KLHL22: variants seen among roughly 807,000 people sequenced by gnomAD.
The protein encoded by KLHL22 is kelch like family member 22, also known as kelch-like protein 22.
A neutral mutation model predicts 60.7 loss-of-function variants in KLHL22; 18 were observed. The ratio of observed to expected loss-of-function variants is 0.30; its 90% CI spans 0.20 to 0.44. The LOEUF (loss-of-function observed/expected upper bound fraction) is 0.44. KLHL22 is among the 20% of genes least tolerant of loss of function. KLHL22 has a pLI of 1.00. For synonymous variants in KLHL22, 355 were observed against 354.5 expected, an observed-to-expected ratio of 1.00 and a Z score of -0.01; for missense variants, 596 against 852.3, an observed-to-expected ratio of 0.70 and a Z score of 3.74.
At chr22:20,488,061 C>T (rs1301181617) in intron 2 of KLHL22, among the ~76,000 whole-genome samples, 7 of 152,192 alleles carry the variant, frequency 4.6e-5, no homozygotes, top group Non-Finnish European at 5.9e-5. Flanking sequence ...GGGTCACATT[C>T]TCCAAAACTC....
In KLHL22 at chr22:20,446,581, A is replaced by G; in HGVS notation, c.1401T>C (p.Asp467=). The part of the protein sequence containing the change: ...EDYLKETHCY[D]PGSNTWHTLA... ...GTGTGTGCCAAGTGTTGCTGCCTGGATCGTAGCAGTGTGTCTCTTTCAGGT... is the reference window on the plus strand; with the variant it reads ...GTGTGTGCCAAGTGTTGCTGCCTGGGTCGTAGCAGTGTGTCTCTTTCAGGT... Residue 467 remains aspartate, a synonymous_variant, in exon 6 of 7, where the codon GAT becomes GAC. Coordinates refer to ENST00000328879, the MANE Select transcript of KLHL22 (RefSeq NM_032775.4). 6.2e-7 allele frequency: 1 copy of G among 1,613,942 alleles called. No individual in the cohort carries two copies. The highest frequency in any genetic ancestry group is 8.5e-7 in the Non-Finnish European group (1 of 1,180,032).
At chr22:20,445,027 C>T (rs569803348) in intron 6 of KLHL22, among the ~76,000 whole-genome samples, 32 of 152,100 alleles carry the variant, frequency 2.1e-4, no homozygotes, top group African/African-American at 5.1e-4. Flanking sequence ...TCAAGCCATC[C>T]ACCTGCCTTG....
intron 1 of KLHL22, chr22:20,489,867 G>A (rs1183834610): frequency 1.1e-5 from 5 of 463,842 alleles, no homozygotes; most frequent in Non-Finnish European, 1.3e-5. Context: ...AATTCTGAGA[G>A]TCAAGCACAG....
At chr22:20,474,845 G>A (rs907033429) in intron 2 of KLHL22, among the ~76,000 whole-genome samples, 4 of 152,224 alleles carry the variant, frequency 2.6e-5, no homozygotes, top group African/African-American at 7.2e-5. Context: ...CTGGGTCGAA[G>A]GGTTTACATA....
At chr22:20,457,785 C>T (rs1221551554) in intron 5 of KLHL22, 23 bp downstream of exon 5, 4 of 1,551,482 alleles carry the variant, frequency 2.6e-6, no homozygotes, top group Non-Finnish European at 2.6e-6. Context: ...CAGGAGAAGG[C>T]CCCTCTTCGA....
intron 3 of KLHL22, among the ~76,000 whole-genome samples, chr22:20,468,440 G>A (rs114374355): frequency 0.014 from 2,203 of 152,322 alleles, 43 homozygotes; most frequent in Middle Eastern, 0.054. Flanking sequence ...AGAAGGGACT[G>A]CATTTGCTTG....
At chr22:20,483,968 G>C (rs1236798444) in intron 2 of KLHL22, 9 of 690,784 alleles carry the variant, frequency 1.3e-5, no homozygotes, top group Admixed American at 3.8e-5. Flanking sequence ...GGGACACGAA[G>C]ATCCAGGAAC....
At chr22:20,461,314 G>T (rs2053150836) in intron 4 of KLHL22, among the ~76,000 whole-genome samples, 1 of 152,134 alleles carries the variant, frequency 6.6e-6, no homozygotes, top group Non-Finnish European at 1.5e-5. Context: ...AGCACTTTGG[G>T]AGGCTAAGGC....
In KLHL22 at chr22:20,465,289, C is replaced by T. The variant is rs1188352000; in HGVS notation, c.681G>A (p.Val227=). 1 of 1,614,104 alleles carries T rather than the reference C, an allele frequency of 6.2e-7. No homozygotes were observed. Among genetic ancestry groups the T allele is most frequent in the Non-Finnish European group, 8.5e-7 (1 of 1,180,028 alleles). The change falls in exon 4 of 7, where the codon GTG becomes GTA. Residue 227 remains valine (V), a synonymous_variant. Transcript: ENST00000328879. The surrounding 1 kb of genome is among the most constrained non-coding windows in gnomAD (Gnocchi z 4.9). The part of the protein sequence containing the change: ...ALLYHYSLEQ[V]QADQISLHEP... ...CGTGCAGCGAGATCTGGTCAGCCTG[C>T]ACCTGCTCCAGGCTATAATGGTAGA...
chr22:20,467,938 G>T (rs774840520), intron 3 of KLHL22, among the ~76,000 whole-genome samples: 28 of 152,334 alleles, frequency 1.8e-4, no homozygotes, highest in Middle Eastern at 3.4e-3. Flanking sequence ...GATTACAGGC[G>T]TGAGCCACGG....
chr22:20,460,452 TA>T (rs1434783326), intron 4 of KLHL22, among the ~76,000 whole-genome samples: 1 of 151,224 alleles, frequency 6.6e-6, no homozygotes, highest in African/African-American at 2.4e-5. Context: ...ACTAAAAATA[TA>T]AAAAAATTAG....
intron 5 of KLHL22, among the ~76,000 whole-genome samples, chr22:20,455,653 T>C (rs1432164366): frequency 6.6e-6 from 1 of 152,186 alleles, no homozygotes; most frequent in Non-Finnish European, 1.5e-5. Context: ...CAAGGAACTT[T>C]CCACCCCCGG....
intron 2 of KLHL22, among the ~76,000 whole-genome samples, chr22:20,477,648 A>C (rs1569140451): frequency 6.6e-6 from 1 of 152,234 alleles, no homozygotes; most frequent in Non-Finnish European, 1.5e-5. Context: ...TGGATCATGA[A>C]TGGAGGGAGG....
Position 20,442,024 on chromosome 22 carries a change from T to G in KLHL22, c.*49A>C. ...CTGGCCTAGGCTGCGTGGGTTTCAC[T>G]GCCCTGCAGCCCCAGCCTCCCTTCC... On this transcript the variant is annotated 3_prime_UTR_variant, in exon 7 of 7. Transcript: ENST00000328879. 6.7e-7 allele frequency: 1 copy of G among 1,486,748 alleles called. No individual in the cohort carries two copies. Among genetic ancestry groups the G allele is most frequent in the Non-Finnish European group, 8.9e-7 (1 of 1,117,876 alleles). 92.1% of individuals were successfully genotyped at this position (1,486,748 alleles called of 1,614,324 possible).
chr22:20,478,601 G>A (rs1187833005), intron 2 of KLHL22, among the ~76,000 whole-genome samples: 6 of 128,584 alleles, frequency 4.7e-5, no homozygotes, highest in Admixed American at 3.7e-4. Flanking sequence ...TGCAAGCTCC[G>A]CCTCCCAGGT....
intron 6 of KLHL22, among the ~76,000 whole-genome samples, chr22:20,444,831 C>T (rs2052829994): frequency 1.3e-5 from 2 of 152,168 alleles, no homozygotes; most frequent in African/African-American, 4.8e-5. Context: ...GTTGCCCAGG[C>T]TGGAGTGCAG....
At chr22:20,468,386 C>G (rs2053265509) in intron 3 of KLHL22, among the ~76,000 whole-genome samples, 1 of 152,174 alleles carries the variant, frequency 6.6e-6, no homozygotes, top group Non-Finnish European at 1.5e-5. Context: ...CACAGAGGAA[C>G]CAGCCTGGGC....
chr22:20,488,672 G>T, intron 2 of KLHL22: 1 of 427,826 alleles, frequency 2.3e-6, no homozygotes, highest in Non-Finnish European at 4.3e-6. Flanking sequence ...ACGGAGGGGA[G>T]GAATGGTAAG....
Position 20,465,021 on chromosome 22 carries a change from G to C in KLHL22, c.949C>G (p.Gln317Glu). The C allele has an allele frequency of 6.2e-7, 1 of 1,611,582 alleles. No homozygotes were observed. The highest frequency in any genetic ancestry group is 8.5e-7 in the Non-Finnish European group (1 of 1,178,754). ...HSTPSTVLSDQAKYLNPLLGE... is the reference protein window; with the variant it reads ...HSTPSTVLSDEAKYLNPLLGE... ...AGTAAGGGGTTTAGATACTTGGCCTGGTCGCTGAGGACAGTGGACGGCGTG... is the reference window on the plus strand; with the variant it reads ...AGTAAGGGGTTTAGATACTTGGCCTCGTCGCTGAGGACAGTGGACGGCGTG... Residue 317 changes from glutamine (Q) to glutamate (E), a missense_variant, in exon 4 of 7, where the codon CAG becomes GAG. By Grantham distance (29) the Gln-to-Glu change is conservative. Transcript: ENST00000328879. This position sits in a 1 kb window ranked among gnomAD's most constrained non-coding sequence, Gnocchi z 4.9.
Sources: gnomAD v4.1 joint callset for allele counts (sites outside exome capture counted in the v4.1 genomes callset) on GRCh38, gnomAD v4.1.1 for gene constraint, Gnocchi (gnomAD v3.1) non-coding constraint, MANE v1.5 for transcripts, NCBI Gene and HGNC (gene_info 2026-07-23, HGNC 2026-07-21) for gene names.